The following UIMC1 variants were observed in gnomAD, a reference collection of about 807,000 sequenced individuals.
The protein encoded by UIMC1 is ubiquitin interaction motif containing 1, also known as BRCA1-A complex subunit RAP80.
Under a neutral mutation model 84.9 loss-of-function variants are expected in UIMC1, and 42 were observed. That is an observed-to-expected ratio of 0.49 (90% CI 0.39 to 0.64). The LOEUF (loss-of-function observed/expected upper bound fraction) is 0.64, where lower values mean the gene tolerates loss of function less well. UIMC1 is among the 30% of genes least tolerant of loss of function. The pLI is 0.00. For synonymous variants in UIMC1, 281 were observed against 293.0 expected, an observed-to-expected ratio of 0.96 and a Z score of 0.42; for missense variants, 825 against 847.6, an observed-to-expected ratio of 0.97 and a Z score of 0.33.
Position 176,907,159 on chromosome 5 carries a change from C to A in UIMC1, c.1867G>T (p.Gly623Cys), listed in dbSNP as rs1245639349. ...TGTTCCAAGAAACTAAGGAGTCGGC[C>A]TTCACTGTGGCCTTTTTCCTGTAAC... is the stretch of plus-strand genomic sequence containing the variant. ...KNPKEKGHSE[G>C]RLLSFLEQSE... is the part of the protein sequence containing the mutation. Residue 623 changes from glycine (G) to cysteine (C), a missense_variant, in exon 13 of 15, where the codon GGC becomes TGC. Transcript: ENST00000511320. 4 of 1,613,650 alleles carry A rather than the reference C, an allele frequency of 2.5e-6. No individual in the cohort carries two copies. Among genetic ancestry groups the A allele is most frequent in the Non-Finnish European group, 3.4e-6 (4 of 1,179,842 alleles).
intron 7 of UIMC1, 109 bp downstream of exon 7, chr5:176,957,984 G>T: frequency 1.0e-6 from 1 of 970,006 alleles, no homozygotes; most frequent in Non-Finnish European, 1.5e-6. Flanking sequence ...TTATAAAAGA[G>T]CTAAAAGTTC....
chr5:176,939,081 T>C (rs895295394), intron 10 of UIMC1, among the ~76,000 whole-genome samples: 2 of 151,614 alleles, frequency 1.3e-5, no homozygotes, highest in African/African-American at 2.4e-5. Context: ...GGTGAGACCC[T>C]TTCTCTACAA....
rs1418647063 is a variant in UIMC1 at position 176,955,962 on chromosome 5, G to A, written c.1336C>T (p.Pro446Ser). 6 of 1,613,588 alleles carry A rather than the reference G, an allele frequency of 3.7e-6. No individual in the cohort carries two copies. The South Asian group carries it at 4.4e-5, about 12-fold the overall frequency. Reference protein sequence around the residue: ...ESSAEEITVCPETQLSSSETF... With the variant: ...ESSAEEITVCSETQLSSSETF... The stretch of plus-strand genomic sequence containing the variant: ...AAAATCACAGTGGGGTACTTACCAG[G>A]ACAAACAGTGATTTCTTCTGCAGAA... The change falls in exon 8 of 15, where the codon CCT (proline) becomes TCT (serine). Residue 446 changes from proline (P) to serine (S), a missense_variant. Transcript: ENST00000511320.
chr5:176,938,239 GT>G (rs1763953175), intron 10 of UIMC1, among the ~76,000 whole-genome samples: 1 of 106,108 alleles, frequency 9.4e-6, no homozygotes. Flanking sequence ...TCCTTCCACA[GT>G]AAAAAAAAAA....
chr5:176,948,732 G>C (rs1328355486), intron 9 of UIMC1, among the ~76,000 whole-genome samples: 6 of 152,124 alleles, frequency 3.9e-5, no homozygotes, highest in Non-Finnish European at 5.9e-5. Flanking sequence ...TGATTAATTT[G>C]CACAACATTC....
upstream of UIMC1, among the ~76,000 whole-genome samples, chr5:177,008,997 T>C (rs1775487347): frequency 6.6e-6 from 1 of 151,730 alleles, no homozygotes; most frequent in Non-Finnish European, 1.5e-5. Flanking sequence ...ATGAAAACTA[T>C]GTTTATGGTT....
chr5:176,914,694 C>T (rs1034377015), intron 10 of UIMC1, among the ~76,000 whole-genome samples: 2 of 152,206 alleles, frequency 1.3e-5, no homozygotes, highest in Admixed American at 1.3e-4. Context: ...AGGAGGCATA[C>T]TTTTCATGGT....
chr5:176,905,172 A>C lies in UIMC1; in HGVS notation c.*110T>G. 1 of 1,188,644 alleles carries C rather than the reference A, an allele frequency of 8.4e-7. No individual in the cohort carries two copies. Among genetic ancestry groups the C allele is most frequent in the Non-Finnish European group, 1.2e-6 (1 of 850,748 alleles). 73.6% of individuals were successfully genotyped at this position (1,188,644 alleles called of 1,614,324 possible). ...AATGCTGGGTAGGTGCTGGTGGTGA[A>C]AACTGCAGGGCTAAAACTTGCTCAA... On this transcript the variant is annotated 3_prime_UTR_variant, in exon 15 of 15. Coordinates refer to ENST00000511320, the MANE Select transcript of UIMC1 (RefSeq NM_001199298.2).
chr5:177,017,693 A>C (rs1775701759), intron 1 of UIMC1, among the ~76,000 whole-genome samples: 1 of 143,952 alleles, frequency 6.9e-6, no homozygotes, highest in African/African-American at 2.6e-5. Context: ...TTTTTGAGAC[A>C]GGGTCTTGCT....
chr5:176,998,635 T>C (rs1041218756), intron 1 of UIMC1, among the ~76,000 whole-genome samples: 25 of 151,680 alleles, frequency 1.6e-4, no homozygotes, highest in Admixed American at 7.9e-4. Flanking sequence ...GGCGTGGTGG[T>C]GCATGCCTGT....
At chr5:176,972,678 G>A (rs1417150609) in intron 3 of UIMC1, among the ~76,000 whole-genome samples, 1 of 152,082 alleles carries the variant, frequency 6.6e-6, no homozygotes, top group Non-Finnish European at 1.5e-5. Flanking sequence ...GGAGGTTGCA[G>A]CGAGCCAAGA....
At chr5:176,906,075 G>C in intron 13 of UIMC1, 28 bp from the exon 14 acceptor site, 1 of 1,607,074 alleles carries the variant, frequency 6.2e-7, no homozygotes, top group Non-Finnish European at 8.5e-7. Flanking sequence ...AAATAATAAT[G>C]TTGGTAGTAG....
At chr5:176,958,017 G>T in intron 7 of UIMC1, 76 bp downstream of exon 7, 1 of 1,438,942 alleles carries the variant, frequency 6.9e-7, no homozygotes, top group Non-Finnish European at 9.7e-7. Flanking sequence ...TCCACGTACA[G>T]TCTCACTCAT....
intron 1 of UIMC1, among the ~76,000 whole-genome samples, chr5:176,988,919 T>C (rs1056552502): frequency 6.6e-6 from 1 of 152,054 alleles, no homozygotes; most frequent in Non-Finnish European, 1.5e-5. Flanking sequence ...CTCGACCTCA[T>C]GATCCACCCA....
upstream of UIMC1, among the ~76,000 whole-genome samples, chr5:177,010,596 A>C (rs757752950): frequency 2.1e-4 from 32 of 152,010 alleles, no homozygotes; most frequent in Non-Finnish European, 3.1e-4. Flanking sequence ...CTGGAGTGCA[A>C]TGGCATGATC....
At chr5:176,924,267 G>A (rs1043359436) in intron 10 of UIMC1, among the ~76,000 whole-genome samples, 7 of 151,530 alleles carry the variant, frequency 4.6e-5, no homozygotes, top group Non-Finnish European at 8.8e-5. Flanking sequence ...GCAGTGAGCC[G>A]AGATCGTACC....
At chr5:176,969,520 C>A in intron 5 of UIMC1, 81 bp downstream of exon 5, 2 of 1,437,716 alleles carry the variant, frequency 1.4e-6, no homozygotes, top group Admixed American at 4.0e-5. Context: ...TGGGGTATTT[C>A]CGTGTATCTA....
intron 5 of UIMC1, 53 bp from the exon 6 acceptor site, chr5:176,969,344 G>C: frequency 6.5e-7 from 1 of 1,539,104 alleles, no homozygotes; most frequent in Non-Finnish European, 8.7e-7. Flanking sequence ...TTATTAAGAG[G>C]GCTTGGTAAG....
chr5:176,978,459 TC>T, intron 2 of UIMC1, among the ~76,000 whole-genome samples: 1 of 152,098 alleles, frequency 6.6e-6, no homozygotes, highest in East Asian at 1.9e-4. Context: ...AACAAATAAT[TC>T]CTATACTATT....
Sources: allele counts gnomAD v4.1 joint callset (sites outside exome capture counted in the v4.1 genomes callset), GRCh38; gene constraint gnomAD v4.1.1; transcripts MANE v1.5; gene names NCBI Gene and HGNC (gene_info 2026-07-23, HGNC 2026-07-21).